The following ZBTB5 variants were observed in gnomAD, a reference collection of about 807,000 sequenced individuals.
The protein encoded by ZBTB5 is zinc finger and BTB domain containing 5, also known as zinc finger and BTB domain-containing protein 5.
In ZBTB5, 15 loss-of-function variants were observed where a neutral mutation model predicts 37.9. That is an observed-to-expected ratio of 0.40 (90% CI 0.26 to 0.61). ZBTB5 has a LOEUF of 0.61. Ranked by LOEUF, ZBTB5 falls within the 20% of genes least tolerant of loss-of-function variation. The pLI is 0.47. For synonymous variants in ZBTB5, 315 were observed against 312.4 expected (o/e 1.01, Z -0.09); for missense variants, 708 against 856.8 (o/e 0.83, Z 2.17).
chr9:37,462,658 G>A (rs1824316086), intron 1 of ZBTB5, among the ~76,000 whole-genome samples: 11 of 151,250 alleles, frequency 7.3e-5, no homozygotes, highest in Admixed American at 7.3e-4. Flanking sequence ...CTGCCTCCCA[G>A]GCTCAAGCGA....
intron 1 of ZBTB5, among the ~76,000 whole-genome samples, chr9:37,462,859 C>T (rs1011429904): frequency 6.6e-6 from 1 of 152,092 alleles, no homozygotes; most frequent in Non-Finnish European, 1.5e-5. Flanking sequence ...CCACCACACC[C>T]GGCCTTCCCT....
At chr9:37,457,370 A>G (rs1352352255) in intron 1 of ZBTB5, among the ~76,000 whole-genome samples, 1 of 152,160 alleles carries the variant, frequency 6.6e-6, no homozygotes, top group African/African-American at 2.4e-5. Flanking sequence ...AAATACTGGT[A>G]CTACAGGCAC....
chr9:37,456,294 G>A lies in ZBTB5; in HGVS notation c.-5+8921C>T, dbSNP rs537271548. On this transcript the variant is annotated intron_variant, in intron 1 of 1. Coordinates refer to ENST00000307750, the MANE Select transcript of ZBTB5 (RefSeq NM_014872.3). ...GACAGGGCTCCAAGTCAGACAGAGC[G>A]GAGTACTGGAACATCCATCCATTGT... is the stretch of plus-strand genomic sequence containing the variant. Among the ~76,000 whole-genome samples, 29 of 152,230 alleles carry A rather than the reference G, an allele frequency of 1.9e-4. No individual in the cohort carries two copies. The South Asian group carries it at 4.6e-3, about 24-fold the overall frequency.
At chr9:37,464,951 G>A (rs1175904505) in intron 1 of ZBTB5, among the ~76,000 whole-genome samples, 1 of 152,236 alleles carries the variant, frequency 6.6e-6, no homozygotes, top group Admixed American at 6.5e-5. Context: ...TACGTCGCCA[G>A]CCGGGGATCC....
chr9:37,444,951 C>A (rs1665183877), intron 1 of ZBTB5, among the ~76,000 whole-genome samples: 1 of 151,870 alleles, frequency 6.6e-6, no homozygotes, highest in South Asian at 2.1e-4. Context: ...AGGAGTGGGT[C>A]TCCAAGGGGG....
rs190528195 is a variant in ZBTB5 at position 37,442,778 on chromosome 9, G to A, written c.-4-223C>T. 8.5e-5 allele frequency among the ~76,000 whole-genome samples: 13 copies of A among 152,250 alleles called. No homozygotes were observed. In the East Asian group the frequency reaches 1.2e-3, roughly 14 times the overall value. Reference sequence around the variant, plus strand: ...ATGCACACATGTGGGCCTAGCTACCGACAGGCTCCCCTTTACTCTTCATAT... The same window carrying A: ...ATGCACACATGTGGGCCTAGCTACCAACAGGCTCCCCTTTACTCTTCATAT... On this transcript the variant is annotated intron_variant, in intron 1 of 1. Coordinates refer to ENST00000307750, the MANE Select transcript of ZBTB5 (RefSeq NM_014872.3).
chr9:37,446,630 C>G (rs1240361199), intron 1 of ZBTB5, among the ~76,000 whole-genome samples: 1 of 152,194 alleles, frequency 6.6e-6, no homozygotes, highest in African/African-American at 2.4e-5. Flanking sequence ...TGCCACATCC[C>G]TTCTTGCTTT....
Position 37,442,345 on chromosome 9 carries a change from G to A in ZBTB5, c.207C>T (p.Ser69=), listed in dbSNP as rs138735984. Residue 69 remains serine, a synonymous_variant, in exon 2 of 2, where the codon AGC becomes AGT. Transcript: ENST00000307750. The stretch of plus-strand genomic sequence containing the variant: ...CAAAGGCCTCTGCTGTCACCACCTC[G>A]CTATCCAGCTGGATCATGTTCATGG... The part of the protein sequence containing the change: ...DQTMNMIQLD[S]EVVTAEAFAA... 1.9e-4 allele frequency: 307 copies of A among 1,613,998 alleles called. No individual in the cohort carries two copies. The highest frequency in any genetic ancestry group is 2.5e-4 in the Non-Finnish European group (300 of 1,180,028).
rs773204544 is a variant in ZBTB5 at position 37,441,080 on chromosome 9, A to G, written c.1472T>C (p.Val491Ala). The part of the protein sequence containing the change: ...PMQEVMGLPC[V>A]QTSGYQGGEQ... ...TCCTCCTTGGTAGCCTGAAGTCTGC[A>G]CACACGGCAGGCCCATCACCTCCTG... is the stretch of plus-strand genomic sequence containing the variant. Residue 491 changes from valine to alanine, a missense_variant, in exon 2 of 2, where the codon GTG becomes GCG. Around this residue, in one of 3 missense-constraint regions of ZBTB5, gnomAD observed 639 missense variants for 690.5 expected, o/e 0.93. Transcript: ENST00000307750. The G allele has an allele frequency of 1.7e-5, 27 of 1,614,124 alleles. No homozygotes were observed. The highest frequency in any genetic ancestry group is 2.3e-5 in the Non-Finnish European group (27 of 1,180,022).
At chr9:37,465,066 A>G (rs1295043532) in intron 1 of ZBTB5, 149 bp downstream of exon 1, 1 of 152,230 alleles carries the variant, frequency 6.6e-6, no homozygotes, top group Non-Finnish European at 1.5e-5. Context: ...CAACGGTAAC[A>G]ATGCTCCCCT....
rs374044371 is a variant in ZBTB5 at position 37,441,520 on chromosome 9, G to A, written c.1032C>T (p.Ser344=). 3.5e-5 allele frequency: 56 copies of A among 1,612,614 alleles called. No individual in the cohort carries two copies. Among genetic ancestry groups the A allele is most frequent in the South Asian group, 5.5e-5 (5 of 90,990 alleles). ...LSSPEPQDEV[S]DVTSQAEGSE... is the part of the protein sequence containing the mutation. ...TGCCTTCTGCTTGTGAGGTCACATCGCTCACTTCATCCTGAGGCTCAGGTG... is the reference window on the plus strand; with the variant it reads ...TGCCTTCTGCTTGTGAGGTCACATCACTCACTTCATCCTGAGGCTCAGGTG... The change falls in exon 2 of 2, where the codon AGC becomes AGT. Residue 344 remains serine, a synonymous_variant. Transcript: ENST00000307750.
At position 37,440,368 on chromosome 9, in the gene ZBTB5, ATAC is replaced by A. The variant is rs1219937507; in HGVS notation, c.*147_*149del. The A allele has an allele frequency of 1.5e-5, 10 of 648,750 alleles. No individual in the cohort carries two copies. Among genetic ancestry groups the A allele is most frequent in the Middle Eastern group, 4.2e-4 (1 of 2,382 alleles). 40.2% of individuals were successfully genotyped at this position (648,750 alleles called of 1,614,324 possible). On this transcript the variant is annotated 3_prime_UTR_variant, in exon 2 of 2. Coordinates refer to ENST00000307750, the MANE Select transcript of ZBTB5 (RefSeq NM_014872.3). ...TTCACTCAGAAATGCAGCAGCACAA[ATAC>A]TACATGTTAGTTCTCCGGTTATTAG...
chr9:37,448,996 A>G (rs1031535750), intron 1 of ZBTB5, among the ~76,000 whole-genome samples: 1 of 152,240 alleles, frequency 6.6e-6, no homozygotes, highest in African/African-American at 2.4e-5. Context: ...GTGAGCCAAG[A>G]TCACGCCACT....
In ZBTB5 at chr9:37,465,234, C is replaced by G. The variant is rs576732791; in HGVS notation, c.-24G>C. On this transcript the variant is annotated 5_prime_UTR_variant, in exon 1 of 2. Coordinates refer to ENST00000307750, the MANE Select transcript of ZBTB5 (RefSeq NM_014872.3). ...CCTCACCTGAGTCGGGCTCCGCCCC[C>G]CTCCTCCTCGCTGAAGGAGGCGGTG... is the stretch of plus-strand genomic sequence containing the variant. The G allele has an allele frequency of 6.6e-6, 1 of 152,246 alleles. No individual in the cohort carries two copies. The highest frequency in any genetic ancestry group is 6.5e-5 in the Admixed American group (1 of 15,280). 9.4% of individuals were successfully genotyped at this position (152,246 alleles called of 1,614,324 possible).
At chr9:37,446,541 G>A (rs1427923306) in intron 1 of ZBTB5, among the ~76,000 whole-genome samples, 1 of 152,224 alleles carries the variant, frequency 6.6e-6, no homozygotes, top group African/African-American at 2.4e-5. Context: ...CAACAAAATA[G>A]ATCACACATA....
Position 37,441,801 on chromosome 9 carries a change from C to T in ZBTB5, c.751G>A (p.Asp251Asn), listed in dbSNP as rs148731484. The T allele has an allele frequency of 6.2e-7, 1 of 1,614,140 alleles. No homozygotes were observed. The highest frequency in any genetic ancestry group is 8.5e-7 in the Non-Finnish European group (1 of 1,180,032). ...VDNPKADGMT[D>N]NQEDSAIMFD... ...ATGATCGCACTATCTTCCTGGTTAT[C>T]AGTCATTCCATCAGCTTTAGGATTA... The change falls in exon 2 of 2, where the codon GAT becomes AAT. Residue 251 changes from aspartate (D) to asparagine (N), a missense_variant. Transcript: ENST00000307750.
In ZBTB5 at chr9:37,440,854, TC is replaced by T; in HGVS notation, c.1697del (p.Gly566GlufsTer19). On this transcript the variant is annotated frameshift_variant, in exon 2 of 2. Transcript: ENST00000307750. LOFTEE classifies it high-confidence loss of function. Reference protein sequence around the residue: ...NSTSSQLMMNGATSSFENGHP... With the variant: ...NSTSSQLMMNXATSSFENGHP... ...GGCCATTTTCAAATGAGGACGTAGC[TC>T]CATTCATCATTAGCTGAGAACTGGT... 1 of 1,614,198 alleles carries T rather than the reference TC, an allele frequency of 6.2e-7. No individual in the cohort carries two copies. Among genetic ancestry groups the T allele is most frequent in the Non-Finnish European group, 8.5e-7 (1 of 1,180,040 alleles).
chr9:37,441,947 C>G lies in ZBTB5; in HGVS notation c.605G>C (p.Arg202Thr). Residue 202 changes from arginine (R) to threonine (T), a missense_variant, in exon 2 of 2, where the codon AGG becomes ACG. Around this residue, in one of 3 missense-constraint regions of ZBTB5, gnomAD observed 639 missense variants for 690.5 expected, o/e 0.93. Coordinates refer to ENST00000307750, the MANE Select transcript of ZBTB5 (RefSeq NM_014872.3). ...KRKQSAEERA[R>T]QRLRPSIDES... ...ATCTATGGAGGGTCGGAGGCGCTGC[C>G]TGGCCCGCTCCTCTGCAGACTGCTT... The G allele has an allele frequency of 1.2e-6, 2 of 1,614,024 alleles. No homozygotes were observed. The highest frequency in any genetic ancestry group is 1.7e-6 in the Non-Finnish European group (2 of 1,180,042).
intron 1 of ZBTB5, among the ~76,000 whole-genome samples, chr9:37,458,233 A>G (rs143869963): frequency 1.2e-4 from 18 of 152,308 alleles, no homozygotes; most frequent in Admixed American, 1.1e-3. Flanking sequence ...CTACTAACCA[A>G]ATGCTCACTC....
Sources: gnomAD v4.1 joint callset for allele counts (sites outside exome capture counted in the v4.1 genomes callset) on GRCh38, gnomAD v4.1.1 for gene constraint, gnomAD v4.1.1 regional missense constraint, MANE v1.5 for transcripts, NCBI Gene and HGNC (gene_info 2026-07-23, HGNC 2026-07-21) for gene names.